CARF: variants seen among roughly 807,000 people sequenced by gnomAD.
CARF encodes calcium responsive transcription factor.
Under a neutral mutation model 82.0 loss-of-function variants are expected in CARF, and 57 were observed. The ratio of observed to expected loss-of-function variants is 0.70; its 90% confidence interval spans 0.56 to 0.87. CARF has a LOEUF of 0.87. Among genes scored for constraint, CARF ranks in the 40% least tolerant of loss-of-function variants. The pLI is 0.00. For missense variants in CARF, 771 were observed against 855.8 expected, an observed-to-expected ratio of 0.90 and a Z score of 1.24; for synonymous variants, 268 against 290.1, an observed-to-expected ratio of 0.92 and a Z score of 0.77.
At chr2:202,915,184 T>G (rs1418136760) in intron 1 of CARF, among the ~76,000 whole-genome samples, 1 of 151,112 alleles carries the variant, frequency 6.6e-6, no homozygotes, top group Non-Finnish European at 1.5e-5. Flanking sequence ...GCCCGGCTAA[T>G]TTTTTGTATT....
intron 5 of CARF, among the ~76,000 whole-genome samples, chr2:202,952,130 C>T (rs2058783742): frequency 6.6e-6 from 1 of 152,090 alleles, no homozygotes; most frequent in Non-Finnish European, 1.5e-5. Flanking sequence ...CATGCCTGAC[C>T]AACATGTTAC....
chr2:202,948,291 C>T (rs754260199), intron 5 of CARF, among the ~76,000 whole-genome samples: 7 of 152,148 alleles, frequency 4.6e-5, no homozygotes, highest in Admixed American at 2.0e-4. Context: ...TAACATAATG[C>T]CTCCAGCTTT....
chr2:202,976,704 A>G (rs929045327), intron 13 of CARF, among the ~76,000 whole-genome samples: 1 of 136,872 alleles, frequency 7.3e-6, no homozygotes, highest in East Asian at 2.1e-4. Context: ...CTTACAATCC[A>G]TAACTCTTTG....
At position 202,986,895 on chromosome 2, in the gene CARF, T is replaced by TATATATATGTATACATATATATATATAC. The variant is rs2060465599; in HGVS notation, c.*3279_*3280insGTATACATATATATATATACATATATAT. 9.3e-6 allele frequency: 1 copy of TATATATATGTATACATATATATATATAC among 107,538 alleles called. No homozygotes were observed. The highest frequency in any genetic ancestry group is 3.0e-5 in the African/African-American group (1 of 33,694). 6.7% of individuals were successfully genotyped at this position (107,538 alleles called of 1,614,324 possible). On this transcript the variant is annotated 3_prime_UTR_variant, in exon 17 of 17. Coordinates refer to ENST00000438828, the MANE Select transcript of CARF (RefSeq NM_024744.17). ...ATATATATATATATATATATATATA[T>TATATATATGTATACATATATATATATAC]ATATATATATATAGCAACTTGATGT...
At chr2:202,941,123 AAGGTAACTAC>A (rs1365275829) in intron 3 of CARF, among the ~76,000 whole-genome samples, 2 of 152,128 alleles carry the variant, frequency 1.3e-5, no homozygotes, top group African/African-American at 4.8e-5. Flanking sequence ...TCTATAGCCC[AAGGTAACTAC>A]AGGCTTTTTG....
intron 6 of CARF, 37 bp from the exon 7 acceptor site, chr2:202,953,968 A>G (rs766123056): frequency 2.6e-5 from 41 of 1,566,420 alleles, no homozygotes; most frequent in Non-Finnish European, 3.5e-5. Context: ...CTTATTCAAG[A>G]TATTGATGTT....
intron 2 of CARF, among the ~76,000 whole-genome samples, chr2:202,920,621 G>A (rs1179244456): frequency 2.6e-5 from 4 of 151,522 alleles, no homozygotes; most frequent in Admixed American, 6.6e-5. Flanking sequence ...CCAAGATCGC[G>A]CCATTGCACT....
intron 2 of CARF, among the ~76,000 whole-genome samples, chr2:202,918,477 T>G (rs531464898): frequency 1.3e-4 from 20 of 152,046 alleles, no homozygotes; most frequent in African/African-American, 4.6e-4. Flanking sequence ...GCCGAGAGCT[T>G]GCAGTGAGTG....
In CARF at chr2:202,973,666, C is replaced by T. The variant is rs573924679; in HGVS notation, c.1332-668C>T. On this transcript the variant is annotated intron_variant, in intron 12 of 16. Transcript: ENST00000438828. The stretch of plus-strand genomic sequence containing the variant: ...CTGTAAAGTGGGAATGATAATTGTA[C>T]GTATGTCGTTGATCATTAAGGGTTA... 7.6e-5 allele frequency: 20 copies of T among 262,630 alleles called. No individual in the cohort carries two copies. The Middle Eastern group carries it at 2.8e-3, about 36-fold the overall frequency. 16.3% of individuals were successfully genotyped at this position (262,630 alleles called of 1,614,324 possible).
intron 3 of CARF, among the ~76,000 whole-genome samples, chr2:202,938,659 GT>G (rs138662921): frequency 0.54 from 73,392 of 137,108 alleles, 21,462 homozygotes; most frequent in Middle Eastern, 0.77. Flanking sequence ...GGTTTTTTTT[GT>G]TTTTTTTTTG....
chr2:202,978,217 T>C (rs2060111846), intron 14 of CARF, among the ~76,000 whole-genome samples: 1 of 152,076 alleles, frequency 6.6e-6, no homozygotes, highest in African/African-American at 2.4e-5. Context: ...GGCAAAAGAA[T>C]AGAGCATTGG....
At chr2:202,936,393 A>G (rs950388812) in intron 3 of CARF, among the ~76,000 whole-genome samples, 8 of 152,210 alleles carry the variant, frequency 5.3e-5, no homozygotes, top group Non-Finnish European at 1.2e-4. Context: ...AAACATCTTC[A>G]TCACCTCAAA....
rs1417761821 is a variant in CARF, at chr2:202,986,891, T to TAC, written c.*3268_*3269insCA. On this transcript the variant is annotated 3_prime_UTR_variant, in exon 17 of 17. Coordinates refer to ENST00000438828, the MANE Select transcript of CARF (RefSeq NM_024744.17). ...GCGTATATATATATATATATATATA[T>TAC]ATATATATATATATATAGCAACTTG... 4.6e-4 allele frequency: 38 copies of TAC among 82,966 alleles called. No individual in the cohort carries two copies. The highest frequency in any genetic ancestry group is 3.2e-3 in the East Asian group (10 of 3,084). The allele number at this position is 82,966 out of a possible 1,614,324, so 5.1% of individuals were successfully genotyped here.
Position 202,986,903 on chromosome 2 carries a change from T to TATAC in CARF, c.*3282_*3283insCATA, listed in dbSNP as rs1553584766. On this transcript the variant is annotated 3_prime_UTR_variant, in exon 17 of 17. Coordinates refer to ENST00000438828, the MANE Select transcript of CARF (RefSeq NM_024744.17). ...ATATATATATATATATATATATATA[T>TATAC]ATATAGCAACTTGATGTATAGTGTC... 20 of 84,500 alleles carry TATAC rather than the reference T, an allele frequency of 2.4e-4. No homozygotes were observed. Among genetic ancestry groups the TATAC allele is most frequent in the East Asian group, 6.3e-4 (2 of 3,154 alleles). 5.2% of individuals were successfully genotyped at this position (84,500 alleles called of 1,614,324 possible).
intron 3 of CARF, among the ~76,000 whole-genome samples, chr2:202,932,815 G>A (rs894608203): frequency 5.3e-5 from 8 of 152,104 alleles, no homozygotes; most frequent in Non-Finnish European, 1.2e-4. Context: ...TGGGGAAGAT[G>A]ACTACTAGAT....
chr2:202,949,516 T>TTTTTTATTA (rs1337589852), intron 5 of CARF, among the ~76,000 whole-genome samples: 107 of 91,658 alleles, frequency 1.2e-3, no homozygotes, highest in East Asian at 6.2e-3. Context: ...TTGTTATTTA[T>TTTTTTATTA]TTATTATTAT....
chr2:202,950,497 A>G (rs1404956618), intron 5 of CARF, among the ~76,000 whole-genome samples: 2 of 152,154 alleles, frequency 1.3e-5, no homozygotes, highest in Non-Finnish European at 2.9e-5. Flanking sequence ...ATTTAAAACA[A>G]TATTATTACT....
At chr2:202,958,247 A>ATGTGTGTG (rs1225523942) in intron 8 of CARF, among the ~76,000 whole-genome samples, 161 of 26,520 alleles carry the variant, frequency 6.1e-3, no homozygotes, top group African/African-American at 7.3e-3. Flanking sequence ...GTATATACAT[A>ATGTGTGTG]TATGTGTGTG....
intron 3 of CARF, among the ~76,000 whole-genome samples, chr2:202,932,139 T>A (rs1693053526): frequency 1.3e-5 from 2 of 151,782 alleles, no homozygotes; most frequent in South Asian, 4.2e-4. Context: ...TCTCACTATC[T>A]CAAGGAGAGC....
Sources: gnomAD v4.1 joint callset for allele counts (sites outside exome capture counted in the v4.1 genomes callset) on GRCh38, gnomAD v4.1.1 for gene constraint, MANE v1.5 for transcripts, NCBI Gene and HGNC (gene_info 2026-07-23, HGNC 2026-07-21) for gene names.